Variants in EVL observed in about 807,000 individuals in gnomAD.
EVL encodes the protein ena/VASP-like protein.
EVL carries 21 observed loss-of-function variants against 59.6 expected under a neutral mutation model. The ratio of observed to expected loss-of-function variants is 0.35; its 90% confidence interval spans 0.25 to 0.51. EVL has a LOEUF of 0.51. EVL is among the 20% of genes least tolerant of loss of function. The probability of loss-of-function intolerance (pLI) is 0.97; values close to 1 mark genes in which losing one functional copy is unlikely to be tolerated. For missense variants in EVL, 462 were observed against 546.6 expected (o/e 0.85, Z 1.54); for synonymous variants, 198 against 203.5 (o/e 0.97, Z 0.23).
At chr14:100,032,670 C>G (rs1272200827) in intron 1 of EVL, among the ~76,000 whole-genome samples, 1 of 152,128 alleles carries the variant, frequency 6.6e-6, no homozygotes, top group Non-Finnish European at 1.5e-5. Flanking sequence ...ACCTTTTTTT[C>G]TTTCCATGAA....
intron 1 of EVL, among the ~76,000 whole-genome samples, chr14:100,028,571 G>A (rs1254690167): frequency 6.6e-6 from 1 of 152,196 alleles, no homozygotes; most frequent in East Asian, 1.9e-4. Flanking sequence ...CCAGCACTTT[G>A]GGAGGCTGAG....
intron 1 of EVL, among the ~76,000 whole-genome samples, chr14:99,998,811 C>T (rs929533967): frequency 1.3e-5 from 2 of 152,054 alleles, no homozygotes; most frequent in Non-Finnish European, 2.9e-5. Context: ...AAAAAACCCT[C>T]CAAGATACAT....
intron 1 of EVL, among the ~76,000 whole-genome samples, chr14:100,028,721 G>C (rs1302642804): frequency 6.6e-6 from 1 of 152,200 alleles, no homozygotes; most frequent in African/African-American, 2.4e-5. Flanking sequence ...TGACGCAGGA[G>C]AATTGCTTGA....
chr14:99,989,350 T>TA (rs1207643370), intron 1 of EVL, among the ~76,000 whole-genome samples: 1 of 152,222 alleles, frequency 6.6e-6, no homozygotes, highest in Non-Finnish European at 1.5e-5. Flanking sequence ...TCTTCATCGT[T>TA]ATTAAAACAC....
At chr14:100,053,333 G>A (rs1249903726) in intron 1 of EVL, among the ~76,000 whole-genome samples, 1 of 151,808 alleles carries the variant, frequency 6.6e-6, no homozygotes, top group Non-Finnish European at 1.5e-5. Flanking sequence ...TTCTTCAGTT[G>A]GTTGGAAAAC....
At chr14:100,125,135 CACACACACACACACA>C (rs1887966453) in intron 4 of EVL, among the ~76,000 whole-genome samples, 1 of 143,496 alleles carries the variant, frequency 7.0e-6, no homozygotes, top group Non-Finnish European at 1.5e-5. Context: ...CACACACACA[CACACACACACACACA>C]CCTGCCCCAA....
intron 3 of EVL, among the ~76,000 whole-genome samples, chr14:100,122,147 C>CG (rs1566715486): frequency 6.6e-6 from 1 of 152,138 alleles, no homozygotes; most frequent in Admixed American, 6.5e-5. Flanking sequence ...AGTCAGGGGG[C>CG]GGGGGGACAC....
chr14:100,135,925 C>A lies in EVL; in HGVS notation c.921C>A (p.Pro307=), dbSNP rs751929083. 3.3e-5 allele frequency: 54 copies of A among 1,613,858 alleles called. No homozygotes were observed. In the South Asian group the frequency reaches 3.5e-4, roughly 10 times the overall value. ...TTTAGGAAGATCCTAGTACCTCCCCCTCTCCGGGGACCCGAGCAGCCAGCC... is the reference window on the plus strand; with the variant it reads ...TTTAGGAAGATCCTAGTACCTCCCCATCTCCGGGGACCCGAGCAGCCAGCC... ...ESQMEDPSTS[P]SPGTRAASQP... Residue 307 remains proline (P), a synonymous_variant, in exon 9 of 14, where the codon CCC becomes CCA. Transcript: ENST00000392920.
chr14:100,038,843 A>C (rs560658450), intron 1 of EVL, among the ~76,000 whole-genome samples: 2 of 151,498 alleles, frequency 1.3e-5, no homozygotes, highest in Non-Finnish European at 2.9e-5. Context: ...ACTCACAAAG[A>C]TCAGAAACTA....
intron 1 of EVL, among the ~76,000 whole-genome samples, chr14:100,014,539 G>A (rs2140195128): frequency 6.6e-6 from 1 of 152,276 alleles, no homozygotes; most frequent in Middle Eastern, 3.4e-3. Context: ...CTGTTGATGG[G>A]TACTTAGGTT....
At chr14:100,004,999 C>T (rs1344256771) in intron 1 of EVL, among the ~76,000 whole-genome samples, 1 of 152,008 alleles carries the variant, frequency 6.6e-6, no homozygotes, top group Non-Finnish European at 1.5e-5. Flanking sequence ...TTACATTTAC[C>T]TAATTATTTT....
At position 100,129,601 on chromosome 14, in the gene EVL, C is replaced by G; in HGVS notation, c.756C>G (p.Thr252=). Residue 252 remains threonine (T), a synonymous_variant, in exon 7 of 14, where the codon ACC becomes ACG. Transcript: ENST00000392920. The part of the protein sequence containing the change: ...DASGGSSPSG[T]SKSDANRASS... ...CTGGAGGCTCCAGTCCCAGTGGGAC[C>G]TCAAAGTCCGATGCCAACCGGGCAA... 1.2e-6 allele frequency: 2 copies of G among 1,613,718 alleles called. No individual in the cohort carries two copies. The highest frequency in any genetic ancestry group is 4.5e-5 in the East Asian group (2 of 44,886).
In EVL at chr14:100,102,469, T is replaced by G. The variant is rs188034005; in HGVS notation, c.358+4811T>G. On this transcript the variant is annotated intron_variant, in intron 3 of 13. Coordinates refer to ENST00000392920, the MANE Select transcript of EVL (RefSeq NM_016337.3). ...GTCTACATTTTAGGAGTTGTTATTG[T>G]TATTCGTGTTTGTCATTCCTTGGAC... The G allele has an allele frequency of 1.1e-4, 47 of 431,836 alleles. No homozygotes were observed. In the East Asian group the frequency reaches 3.0e-3, roughly 28 times the overall value. 26.8% of individuals were successfully genotyped at this position (431,836 alleles called of 1,614,324 possible).
chr14:100,065,499 C>A lies in EVL; in HGVS notation c.-2C>A. On this transcript the variant is annotated 5_prime_UTR_variant, in exon 1 of 14. Transcript: ENST00000392920. Reference sequence around the variant, plus strand: ...GGTTCCCTGTGCTGCCACTTTTCAGCCATGGCCACAAGGTGAGTATTGGAA... The same window carrying A: ...GGTTCCCTGTGCTGCCACTTTTCAGACATGGCCACAAGGTGAGTATTGGAA... The A allele has an allele frequency of 6.6e-7, 1 of 1,522,382 alleles. No homozygotes were observed. The highest frequency in any genetic ancestry group is 8.9e-7 in the Non-Finnish European group (1 of 1,124,220). The allele number at this position is 1,522,382 out of a possible 1,614,324, so 94.3% of individuals were successfully genotyped here.
At chr14:100,135,822 T>G (rs1437428528) in intron 8 of EVL, 83 bp from the exon 9 acceptor site, 2 of 1,205,542 alleles carry the variant, frequency 1.7e-6, no homozygotes, top group Non-Finnish European at 2.4e-6. Context: ...TTTGGAAAAC[T>G]GAGGTTTTAT....
At chr14:100,088,950 T>G (rs1205350760) in intron 2 of EVL, among the ~76,000 whole-genome samples, 2 of 152,066 alleles carry the variant, frequency 1.3e-5, no homozygotes, top group Non-Finnish European at 1.5e-5. Context: ...AAGTAAAAAA[T>G]TGGAAAAAGA....
At chr14:100,016,241 A>G (rs2061048977) in intron 1 of EVL, among the ~76,000 whole-genome samples, 1 of 150,816 alleles carries the variant, frequency 6.6e-6, no homozygotes, top group African/African-American at 2.4e-5. Context: ...ACAAAAACAA[A>G]AACAAAACAC....
chr14:99,980,747 G>T (rs910328267), intron 1 of EVL, among the ~76,000 whole-genome samples: 1 of 152,182 alleles, frequency 6.6e-6, no homozygotes. Flanking sequence ...AGGCTCTCTT[G>T]TTCTGTCTGC....
At chr14:100,135,000 T>A (rs1888681827) in intron 8 of EVL, 1 of 152,230 alleles carries the variant, frequency 6.6e-6, no homozygotes, top group African/African-American at 2.4e-5. Context: ...AAGATGATAA[T>A]TTTTTAGTGA....
Sources: allele counts gnomAD v4.1 joint callset (sites outside exome capture counted in the v4.1 genomes callset), GRCh38; gene constraint gnomAD v4.1.1; transcripts MANE v1.5; gene names NCBI Gene and HGNC (gene_info 2026-07-23, HGNC 2026-07-21).